UBQLN4: variants seen among roughly 807,000 people sequenced by gnomAD.
UBQLN4 encodes the protein ubiquilin 4, also known as ubiquilin-4.
UBQLN4 carries 11 observed loss-of-function variants against 60.4 expected under a neutral mutation model. The observed-to-expected ratio is 0.18, with a 90% CI of 0.11 to 0.30. UBQLN4 has a LOEUF of 0.30. Among genes scored for constraint, UBQLN4 ranks in the 10% least tolerant of loss-of-function variants. UBQLN4 has a pLI of 1.00. For missense variants in UBQLN4, 417 were observed against 795.5 expected, an observed-to-expected ratio of 0.52 and a Z score of 5.72; for synonymous variants, 258 against 313.1, an observed-to-expected ratio of 0.82 and a Z score of 1.86.
chr1:156,052,016 C>T (rs1408242999), intron 1 of UBQLN4, among the ~76,000 whole-genome samples, 159 bp from the exon 2 acceptor site: 1 of 152,210 alleles, frequency 6.6e-6, no homozygotes, highest in Non-Finnish European at 1.5e-5. Context: ...CTGCAATAAG[C>T]ATCTCCTTTC....
At chr1:156,038,694 T>A (rs544075807) in intron 10 of UBQLN4, among the ~76,000 whole-genome samples, 6 of 152,050 alleles carry the variant, frequency 3.9e-5, no homozygotes, top group Admixed American at 2.6e-4. Context: ...AAGAAAAAAA[T>A]TTTTTTAGCA....
intron 5 of UBQLN4, among the ~76,000 whole-genome samples, chr1:156,047,406 GC>G (rs1390634687): frequency 6.6e-6 from 1 of 151,498 alleles, no homozygotes; most frequent in African/African-American, 2.4e-5. Context: ...ATCATGCCCG[GC>G]TAATTTTTTG....
intron 10 of UBQLN4, among the ~76,000 whole-genome samples, chr1:156,038,670 T>A (rs546613790): frequency 6.6e-6 from 1 of 151,786 alleles, no homozygotes; most frequent in Non-Finnish European, 1.5e-5. Context: ...AAAATAAAAA[T>A]AAAATAAAAA....
chr1:156,043,010 C>G (rs1683608740), intron 6 of UBQLN4, 97 bp from the exon 7 acceptor site: 1 of 1,467,688 alleles, frequency 6.8e-7, no homozygotes, highest in Non-Finnish European at 9.1e-7. Context: ...CACCGAATGA[C>G]TACAAAACTC....
Position 156,035,924 on chromosome 1 carries a change from C to A in UBQLN4, c.*1054G>T, listed in dbSNP as rs1458972013. 2 of 985,348 alleles carry A rather than the reference C, an allele frequency of 2.0e-6. No homozygotes were observed. Among genetic ancestry groups the A allele is most frequent in the Non-Finnish European group, 2.4e-6 (2 of 829,914 alleles). 61.0% of individuals were successfully genotyped at this position (985,348 alleles called of 1,614,324 possible). A position where few individuals can be genotyped will look rare whatever the true frequency, so the allele number is the denominator to read the frequency against. The stretch of plus-strand genomic sequence containing the variant: ...GTATGCACACATGTGGATACACATG[C>A]ACCTCCCCACTACTCACACAGACCC... On this transcript the variant is annotated 3_prime_UTR_variant, in exon 11 of 11. Coordinates refer to ENST00000368309, the MANE Select transcript of UBQLN4 (RefSeq NM_020131.5).
At chr1:156,053,571 C>A (rs752648033) in intron 1 of UBQLN4, 23 bp downstream of exon 1, 4 of 1,278,204 alleles carry the variant, frequency 3.1e-6, no homozygotes, top group Non-Finnish European at 4.0e-6. Context: ...CGCGCTCCCC[C>A]CGCCCCCCGC....
rs1019309785 is a variant in UBQLN4 at position 156,048,348 on chromosome 1, C to T, written c.900+153G>A. Among the ~76,000 whole-genome samples, 2 of 152,178 alleles carry T rather than the reference C, an allele frequency of 1.3e-5. No homozygotes were observed. The highest frequency in any genetic ancestry group is 6.5e-5 in the Admixed American group (1 of 15,274). ...TGTCCATGCCAAAATGGACCATCCC[C>T]GGATATGTACTGTTGAGAACTGCCT... On this transcript the variant is annotated intron_variant, in intron 5 of 10. Coordinates refer to ENST00000368309, the MANE Select transcript of UBQLN4 (RefSeq NM_020131.5). This position sits in a 1 kb window ranked among gnomAD's most constrained non-coding sequence, Gnocchi z 4.9.
intron 10 of UBQLN4, among the ~76,000 whole-genome samples, chr1:156,037,520 C>T (rs967880763): frequency 5.3e-5 from 8 of 152,068 alleles, no homozygotes; most frequent in South Asian, 2.1e-4. Context: ...GGCGTGAATC[C>T]GGGAGGCGGA....
downstream of UBQLN4, among the ~76,000 whole-genome samples, chr1:156,032,713 C>T (rs915060433): frequency 6.6e-6 from 1 of 152,082 alleles, no homozygotes; most frequent in Non-Finnish European, 1.5e-5. Flanking sequence ...CTGTGATCTC[C>T]ATGCTTCTCT....
chr1:156,036,872 G>A lies in UBQLN4; in HGVS notation c.*106C>T, dbSNP rs1683415848. 2 of 1,534,670 alleles carry A rather than the reference G, an allele frequency of 1.3e-6. No individual in the cohort carries two copies. The highest frequency in any genetic ancestry group is 1.4e-5 in the African/African-American group (1 of 72,396). ...AGTCACCCTGCTGTTTGGAAAGGAT[G>A]AGGGAGAAGACGGAAGGGAGGACAA... On this transcript the variant is annotated 3_prime_UTR_variant, in exon 11 of 11. Transcript: ENST00000368309.
At chr1:156,034,845 ATATATATATATATATATATATATATAAT>A (rs1343171541), downstream of UBQLN4, among the ~76,000 whole-genome samples, 204 of 106,626 alleles carry the variant, frequency 1.9e-3, 3 homozygotes, top group African/African-American at 6.4e-3. Context: ...ATATATATAT[ATATATATATATATATATATATATATAAT>A]TTTTTTTTCT....
rs149037353 is a variant in UBQLN4, at chr1:156,051,269, C to A, written c.319G>T (p.Ala107Ser). ...GGTGAAGCAGGCGTGGTGGAGGGTG[C>A]TGAGGCAGGGTCAGGTGTGGAGGGG... The part of the protein sequence containing the change: ...SSPSTPDPAS[A>S]PSTTPASPAT... Residue 107 changes from alanine to serine, a missense_variant, in exon 3 of 11, where the codon GCA becomes TCA. Physicochemically the swap from Ala to Ser is moderately conservative, Grantham distance 99 (BLOSUM62 1). Transcript: ENST00000368309. 3 of 1,575,056 alleles carry A rather than the reference C, an allele frequency of 1.9e-6. No homozygotes were observed. Among genetic ancestry groups the A allele is most frequent in the Non-Finnish European group, 1.7e-6 (2 of 1,159,318 alleles).
intron 5 of UBQLN4, among the ~76,000 whole-genome samples, chr1:156,045,787 TTTTG>T (rs1336165832): frequency 6.6e-6 from 1 of 152,116 alleles, no homozygotes; most frequent in Admixed American, 6.5e-5. Flanking sequence ...TCCTCTACAG[TTTTG>T]TTTGTTTTGG....
Position 156,050,660 on chromosome 1 carries a change from G to A in UBQLN4, c.479-107C>T, listed in dbSNP as rs918242846. ...GACACGCCCCAAATGCTTCTCACATGTCCCTCTTCCTGTCATTCCCACAGC... is the reference window on the plus strand; with the variant it reads ...GACACGCCCCAAATGCTTCTCACATATCCCTCTTCCTGTCATTCCCACAGC... On this transcript the variant is annotated intron_variant, in intron 3 of 10. Coordinates refer to ENST00000368309, the MANE Select transcript of UBQLN4 (RefSeq NM_020131.5). The surrounding 1 kb of genome is among the most constrained non-coding windows in gnomAD (Gnocchi z 4.6). 7.0e-6 allele frequency: 10 copies of A among 1,429,848 alleles called. No homozygotes were observed. The African/African-American group carries it at 1.3e-4, about 19-fold the overall frequency. The allele number at this position is 1,429,848 out of a possible 1,614,324, so 88.6% of individuals were successfully genotyped here.
chr1:156,039,192 C>T (rs1194126733), intron 10 of UBQLN4, among the ~76,000 whole-genome samples: 2 of 151,642 alleles, frequency 1.3e-5, no homozygotes, highest in African/African-American at 4.9e-5. Flanking sequence ...AGTCCCCTGC[C>T]TTGGCCTCCC....
downstream of UBQLN4, among the ~76,000 whole-genome samples, chr1:156,031,673 G>A (rs1234125416): frequency 2.0e-5 from 3 of 151,226 alleles, no homozygotes; most frequent in Non-Finnish European, 4.4e-5. Flanking sequence ...CCGCCTCCCG[G>A]GTTCAAGCAA....
intron 7 of UBQLN4, 26 bp from the exon 8 acceptor site, chr1:156,042,262 A>T: frequency 6.4e-7 from 1 of 1,561,638 alleles, no homozygotes; most frequent in Non-Finnish European, 8.6e-7. Flanking sequence ...TAGCAGGGGG[A>T]GACCTGGGCC....
At chr1:156,032,960 G>C (rs1683321459), downstream of UBQLN4, among the ~76,000 whole-genome samples, 1 of 152,198 alleles carries the variant, frequency 6.6e-6, no homozygotes, top group Non-Finnish European at 1.5e-5. Context: ...GAGGACCAGA[G>C]AGAGGGGCCC....
chr1:156,052,417 T>C (rs1020695465), intron 1 of UBQLN4, among the ~76,000 whole-genome samples: 3 of 152,186 alleles, frequency 2.0e-5, no homozygotes, highest in Non-Finnish European at 2.9e-5. Context: ...ACCTCCATCT[T>C]CCGGGTTCAA....
Sources: gnomAD v4.1 joint callset for allele counts (sites outside exome capture counted in the v4.1 genomes callset) on GRCh38, gnomAD v4.1.1 for gene constraint, Gnocchi (gnomAD v3.1) non-coding constraint, MANE v1.5 for transcripts, NCBI Gene and HGNC (gene_info 2026-07-23, HGNC 2026-07-21) for gene names.